Variants in HNF1A observed in about 807,000 individuals in gnomAD.
HNF1A encodes hepatocyte nuclear factor 1-alpha.
In HNF1A, 21 loss-of-function variants were observed where a neutral mutation model predicts 62.2. That is an observed-to-expected ratio of 0.34 (90% CI 0.24 to 0.49). The LOEUF (loss-of-function observed/expected upper bound fraction) is 0.49. Among genes scored for constraint, HNF1A ranks in the 20% least tolerant of loss-of-function variants. The pLI, the probability that HNF1A is intolerant of heterozygous loss-of-function variation, is 0.99. For synonymous variants in HNF1A, 374 were observed against 366.8 expected (o/e 1.02, Z -0.22); for missense variants, 687 against 832.3 (o/e 0.83, Z 2.15).
In HNF1A at chr12:120,996,676, G is replaced by T. The variant is rs368683806; in HGVS notation, c.1243G>T (p.Gly415Trp). ...MASLPGVMTI[G>W]PGEPASLGPT... ...CTCACTTCCTGGGGTCATGACCATC[G>T]GGCCTGGTGAGCCTGCCTCCCTGGG... The change falls in exon 6 of 10, where the codon GGG becomes TGG. Residue 415 changes from glycine (G) to tryptophan (W), a missense_variant. This residue lies in a region of HNF1A where 408 missense variants were observed against 455.3 expected (regional missense o/e 0.90). Coordinates refer to ENST00000257555, the MANE Select transcript of HNF1A (RefSeq NM_000545.8). The surrounding 1 kb of genome is among the most constrained non-coding windows in gnomAD (Gnocchi z 4.5). 1 of 1,613,968 alleles carries T rather than the reference G, an allele frequency of 6.2e-7. No individual in the cohort carries two copies. Among genetic ancestry groups the T allele is most frequent in the Non-Finnish European group, 8.5e-7 (1 of 1,180,012 alleles).
intron 2 of HNF1A, among the ~76,000 whole-genome samples, chr12:120,992,712 C>T (rs1005034143): frequency 6.6e-6 from 1 of 152,182 alleles, no homozygotes; most frequent in Non-Finnish European, 1.5e-5. Flanking sequence ...GGGAGGATCA[C>T]TTGAGCCTAA....
At chr12:120,997,281 T>A (rs1224625983) in intron 6 of HNF1A, 193 bp from the exon 7 acceptor site, 7 of 1,414,546 alleles carry the variant, frequency 4.9e-6, no homozygotes, top group Admixed American at 2.9e-5. Flanking sequence ...AGCTAAAGGC[T>A]CAGAGAGGGG....
intron 3 of HNF1A, 95 bp downstream of exon 3, chr12:120,993,801 C>A: frequency 7.6e-7 from 1 of 1,317,270 alleles, no homozygotes; most frequent in South Asian, 1.3e-5. Context: ...AAAGGCTGTC[C>A]AGTTGCCGAG....
At chr12:120,990,116 TA>T (rs1313143381) in intron 2 of HNF1A, among the ~76,000 whole-genome samples, 1 of 152,186 alleles carries the variant, frequency 6.6e-6, no homozygotes, top group Non-Finnish European at 1.5e-5. Flanking sequence ...TTTCTTTTAT[TA>T]ATTATCCAGG....
rs1877482934 is a variant in HNF1A, at chr12:121,001,519, C to T, written c.*327C>T. 4.4e-6 allele frequency: 2 copies of T among 453,786 alleles called. No individual in the cohort carries two copies. Among genetic ancestry groups the T allele is most frequent in the East Asian group, 3.9e-5 (1 of 25,538 alleles). The allele number at this position is 453,786 out of a possible 1,614,324, so 28.1% of individuals were successfully genotyped here. ...AAGGGGGCGGCCTATGACTTGGGCA[C>T]CCCCAGCCTGGGCCTATGGAGAGCC... On this transcript the variant is annotated 3_prime_UTR_variant, in exon 10 of 10. Transcript: ENST00000257555.
rs1315666140 is a variant in HNF1A, at chr12:121,001,772, G to A, written c.*580G>A. 9.3e-6 allele frequency: 5 copies of A among 535,974 alleles called. No homozygotes were observed. Among genetic ancestry groups the A allele is most frequent in the South Asian group, 1.5e-5 (1 of 65,122 alleles). The allele number at this position is 535,974 out of a possible 1,614,324, so 33.2% of individuals were successfully genotyped here. A position where few individuals can be genotyped will look rare whatever the true frequency, so the allele number is the denominator to read the frequency against. On this transcript the variant is annotated 3_prime_UTR_variant, in exon 10 of 10. Coordinates refer to ENST00000257555, the MANE Select transcript of HNF1A (RefSeq NM_000545.8). ...CAGGCATTTCCTGGGTGGCTACTCT[G>A]TGCCAGAGCCTGGGGCTCTAACGCC...
At chr12:120,997,790 G>T in intron 7 of HNF1A, 125 bp downstream of exon 7, 1 of 990,038 alleles carries the variant, frequency 1.0e-6, no homozygotes, top group Non-Finnish European at 1.6e-6. Flanking sequence ...GTGTGTTTCC[G>T]TGATTGAGGG....
chr12:120,989,448 G>A (rs533690845), intron 2 of HNF1A, among the ~76,000 whole-genome samples: 40 of 152,002 alleles, frequency 2.6e-4, no homozygotes, highest in African/African-American at 9.4e-4. Flanking sequence ...TAGTAGAGAC[G>A]GGGGTTTCAC....
At chr12:120,992,827 T>A (rs978212418) in intron 2 of HNF1A, among the ~76,000 whole-genome samples, 1 of 152,166 alleles carries the variant, frequency 6.6e-6, no homozygotes, top group East Asian at 1.9e-4. Flanking sequence ...TAGCCACTTA[T>A]GCCCGCTGCT....
Position 120,996,994 on chromosome 12 carries a change from T to C in HNF1A, c.1309+252T>C. The stretch of plus-strand genomic sequence containing the variant: ...ATCAATTCTGTGGTACCTCAGAAGG[T>C]GAAGGGTCTATGGGCAAATTACAGC... On this transcript the variant is annotated intron_variant, in intron 6 of 9. Transcript: ENST00000257555. The surrounding 1 kb of genome is among the most constrained non-coding windows in gnomAD (Gnocchi z 4.5). 6.6e-7 allele frequency: 1 copy of C among 1,515,208 alleles called. No homozygotes were observed. 93.9% of individuals were successfully genotyped at this position (1,515,208 alleles called of 1,614,324 possible).
intron 1 of HNF1A, among the ~76,000 whole-genome samples, chr12:120,983,013 G>A (rs1352730561): frequency 6.6e-6 from 1 of 152,210 alleles, no homozygotes; most frequent in Admixed American, 6.5e-5. Flanking sequence ...CGGAGGTTAA[G>A]CAAAGAATCA....
chr12:121,000,943 G>C, intron 9 of HNF1A, 122 bp from the exon 10 acceptor site: 3 of 1,386,090 alleles, frequency 2.2e-6, no homozygotes, highest in Non-Finnish European at 2.0e-6. Flanking sequence ...TGGGGTTCCT[G>C]TTATCTGCTG....
At chr12:120,988,642 C>T (rs928797489) in intron 1 of HNF1A, among the ~76,000 whole-genome samples, 191 bp from the exon 2 acceptor site, 5 of 152,326 alleles carry the variant, frequency 3.3e-5, no homozygotes, top group Admixed American at 1.3e-4. Context: ...GTGTCTGTGT[C>T]CCTGTGTCCT....
chr12:120,978,898 C>T lies in HNF1A; in HGVS notation c.130C>T (p.Leu44=), dbSNP rs1293318109. 1.2e-6 allele frequency: 2 copies of T among 1,613,180 alleles called. No individual in the cohort carries two copies. Among genetic ancestry groups the T allele is most frequent in the South Asian group, 1.1e-5 (1 of 91,038 alleles). The change falls in exon 1 of 10, where the codon CTG becomes TTG. Residue 44 remains leucine (L), a synonymous_variant. Transcript: ENST00000257555. ...CTACCTCCTGGCTGGAGAAGGCCCC[C>T]TGGACAAGGGGGAGTCCTGCGGCGG... is the stretch of plus-strand genomic sequence containing the variant. ...GPYLLAGEGP[L]DKGESCGGGR...
In HNF1A at chr12:121,001,918, GC is replaced by G. The variant is rs1391648236; in HGVS notation, c.*727del. 1.9e-6 allele frequency: 1 copy of G among 516,878 alleles called. No individual in the cohort carries two copies. The highest frequency in any genetic ancestry group is 1.9e-5 in the African/African-American group (1 of 53,392). 32.0% of individuals were successfully genotyped at this position (516,878 alleles called of 1,614,324 possible). A position where few individuals can be genotyped will look rare whatever the true frequency, so the allele number is the denominator to read the frequency against. ...AGCTTTCCTGTATTTGTTCCCAAGA[GC>G]ATCATGCCTCTGAGGCCAGCCTGGC... On this transcript the variant is annotated 3_prime_UTR_variant, in exon 10 of 10. Coordinates refer to ENST00000257555, the MANE Select transcript of HNF1A (RefSeq NM_000545.8).
rs560692617 is a variant in HNF1A at position 120,996,797 on chromosome 12, A to G, written c.1309+55A>G. 2.5e-6 allele frequency: 4 copies of G among 1,599,840 alleles called. No homozygotes were observed. Among genetic ancestry groups the G allele is most frequent in the Admixed American group, 3.5e-5 (2 of 57,510 alleles). ...GGTGGGAGGCTCATGGGGCAACCGC[A>G]GAATCCAGGAGCTGGAAGAGCCACT... On this transcript the variant is annotated intron_variant, in intron 6 of 9. Coordinates refer to ENST00000257555, the MANE Select transcript of HNF1A (RefSeq NM_000545.8). This position sits in a 1 kb window ranked among gnomAD's most constrained non-coding sequence, Gnocchi z 4.5.
intron 2 of HNF1A, 116 bp downstream of exon 2, chr12:120,989,148 G>T: frequency 1.0e-6 from 1 of 1,003,224 alleles, no homozygotes. Context: ...AGATGGAAAG[G>T]AAGTCAGTGG....
Position 121,002,251 on chromosome 12 carries a change from TG to T in HNF1A, c.*1060del. On this transcript the variant is annotated 3_prime_UTR_variant, in exon 10 of 10. Coordinates refer to ENST00000257555, the MANE Select transcript of HNF1A (RefSeq NM_000545.8). The stretch of plus-strand genomic sequence containing the variant: ...TCAGAAGCCTGGGGGCCTGGCTGGC[TG>T]AGGGCAGTTCGCAGCCACCCTGAGG... The T allele has an allele frequency of 2.3e-6, 1 of 440,806 alleles. No individual in the cohort carries two copies. The highest frequency in any genetic ancestry group is 2.0e-5 in the South Asian group (1 of 49,394). The allele number at this position is 440,806 out of a possible 1,614,324, so 27.3% of individuals were successfully genotyped here.
rs567154869 is a variant in HNF1A, at chr12:120,997,193, C to T, written c.1310-281C>T. ...CCATGGCCTTTGCACTGCTGTGGAACCCCAGGGCTCCAGGGAACCGCAGTT... is the reference window on the plus strand; with the variant it reads ...CCATGGCCTTTGCACTGCTGTGGAATCCCAGGGCTCCAGGGAACCGCAGTT... On this transcript the variant is annotated intron_variant, in intron 6 of 9. Transcript: ENST00000257555. 31 of 1,414,236 alleles carry T rather than the reference C, an allele frequency of 2.2e-5. 1 individual carries two copies. In the Admixed American group the frequency reaches 2.7e-4, roughly 12 times the overall value. The allele number at this position is 1,414,236 out of a possible 1,614,324, so 87.6% of individuals were successfully genotyped here.
Sources: gnomAD v4.1 joint callset for allele counts (sites outside exome capture counted in the v4.1 genomes callset) on GRCh38, gnomAD v4.1.1 for gene constraint, gnomAD v4.1.1 regional missense constraint, Gnocchi (gnomAD v3.1) non-coding constraint, MANE v1.5 for transcripts, NCBI Gene and HGNC (gene_info 2026-07-23, HGNC 2026-07-21) for gene names.